Variants in RARA observed in about 807,000 individuals in gnomAD.
The protein encoded by RARA is retinoic acid receptor alpha.
In RARA, 5 loss-of-function variants were observed where a neutral mutation model predicts 42.8. That is an observed-to-expected ratio of 0.12 (90% confidence interval 0.06 to 0.25). The LOEUF (loss-of-function observed/expected upper bound fraction) is 0.25. Ranked by LOEUF, RARA falls within the 10% of genes least tolerant of loss-of-function variation. The probability of loss-of-function intolerance (pLI) is 1.00; values close to 1 mark genes in which losing one functional copy is unlikely to be tolerated. For synonymous variants in RARA, 256 were observed against 259.5 expected (o/e 0.99, Z 0.13); for missense variants, 402 against 628.7 (o/e 0.64, Z 3.86).
chr17:40,310,149 T>G (rs571005019), intron 1 of RARA, among the ~76,000 whole-genome samples: 1 of 152,298 alleles, frequency 6.6e-6, no homozygotes, highest in African/African-American at 2.4e-5. Context: ...AATCTCAGGC[T>G]CCTGGTGTTT....
At chr17:40,349,980 C>T (rs2034390320) in intron 4 of RARA, 55 bp downstream of exon 4, 4 of 1,599,750 alleles carry the variant, frequency 2.5e-6, no homozygotes, top group South Asian at 1.1e-5. Context: ...CTCAGATGCT[C>T]CTAAAGACCA....
chr17:40,342,761 T>C, intron 2 of RARA: 1 of 1,612,706 alleles, frequency 6.2e-7, no homozygotes, highest in Non-Finnish European at 8.5e-7. Flanking sequence ...TAGTGGTGGA[T>C]TTTTATAACC....
intron 2 of RARA, among the ~76,000 whole-genome samples, chr17:40,346,761 G>T (rs1162537365): frequency 6.6e-6 from 1 of 152,194 alleles, no homozygotes; most frequent in African/African-American, 2.4e-5. Context: ...AGAGCAGACG[G>T]CGGTGGGGAG....
chr17:40,355,301 C>A lies in RARA; in HGVS notation c.1051C>A (p.Leu351Met), dbSNP rs757192084. 6.2e-7 allele frequency: 1 copy of A among 1,600,682 alleles called. No individual in the cohort carries two copies. Among genetic ancestry groups the A allele is most frequent in the Non-Finnish European group, 8.5e-7 (1 of 1,173,538 alleles). ...GGAGCAGCCGGACCGGGTGGACATG[C>A]TGCAGGAGCCGCTGCTGGAGGCGCT... ...DLEQPDRVDM[L>M]QEPLLEALKV... is the part of the protein sequence containing the mutation. Residue 351 changes from leucine (L) to methionine (M), a missense_variant, in exon 8 of 9, where the codon CTG (leucine) becomes ATG (methionine). Physicochemically the swap from Leu to Met is conservative, Grantham distance 15 (BLOSUM62 2). This residue lies in a region of RARA where 104 missense variants were observed against 160.1 expected (regional missense o/e 0.65). Coordinates refer to ENST00000254066, the MANE Select transcript of RARA (RefSeq NM_000964.4). This position sits in a 1 kb window ranked among gnomAD's most constrained non-coding sequence, Gnocchi z 4.1.
chr17:40,330,485 C>T (rs990668275), intron 1 of RARA, among the ~76,000 whole-genome samples: 1 of 152,110 alleles, frequency 6.6e-6, no homozygotes, highest in Non-Finnish European at 1.5e-5. Flanking sequence ...CCTCTTCCCC[C>T]CCAGCACACG....
At chr17:40,332,515 C>CA in intron 2 of RARA, among the ~76,000 whole-genome samples, 1 of 152,208 alleles carries the variant, frequency 6.6e-6, no homozygotes, top group Non-Finnish European at 1.5e-5. Context: ...CGCTCTCTCC[C>CA]CGGAGCCAGG....
intron 1 of RARA, among the ~76,000 whole-genome samples, chr17:40,315,136 A>G (rs58577573): frequency 0.063 from 2,997 of 47,286 alleles, 96 homozygotes; most frequent in East Asian, 0.17. Flanking sequence ...ATATGTGTAT[A>G]TATATATATA....
intron 4 of RARA, among the ~76,000 whole-genome samples, chr17:40,350,784 A>G (rs974928723): frequency 1.3e-5 from 2 of 151,270 alleles, no homozygotes; most frequent in Non-Finnish European, 2.9e-5. Flanking sequence ...GTGTCCTGCC[A>G]CAGGAGGCTG....
At chr17:40,346,529 T>C (rs1360703965) in intron 2 of RARA, among the ~76,000 whole-genome samples, 1 of 130,136 alleles carries the variant, frequency 7.7e-6, no homozygotes, top group Non-Finnish European at 1.6e-5. Context: ...CCCCCACCAG[T>C]CTGGATTGTC....
rs1353818884 is a variant in RARA at position 40,351,435 on chromosome 17, ACT to A, written c.470-471_470-470del. On this transcript the variant is annotated intron_variant, in intron 4 of 8. Coordinates refer to ENST00000254066, the MANE Select transcript of RARA (RefSeq NM_000964.4). This position sits in a 1 kb window ranked among gnomAD's most constrained non-coding sequence, Gnocchi z 4.1. ...AGAGATTCTCCCCGCCAGGTCCCCCACTCTCAGGCTGGGGAGCCCTACTCCCC... is the reference window on the plus strand; with the variant it reads ...AGAGATTCTCCCCGCCAGGTCCCCCACTCAGGCTGGGGAGCCCTACTCCCC... The A allele has an allele frequency of 2.1e-6, 1 of 465,560 alleles. No individual in the cohort carries two copies. The highest frequency in any genetic ancestry group is 2.0e-5 in the African/African-American group (1 of 49,522). 28.8% of individuals were successfully genotyped at this position (465,560 alleles called of 1,614,324 possible).
intron 1 of RARA, among the ~76,000 whole-genome samples, chr17:40,314,129 G>A (rs761545432): frequency 1.4e-5 from 2 of 147,542 alleles, no homozygotes; most frequent in African/African-American, 2.5e-5. Context: ...GCAGTAGGCT[G>A]CCAGCCAGAG....
intron 1 of RARA, among the ~76,000 whole-genome samples, chr17:40,328,297 G>A (rs1203174014): frequency 6.6e-6 from 1 of 152,134 alleles, no homozygotes; most frequent in African/African-American, 2.4e-5. Flanking sequence ...TCAGAGCTTG[G>A]AACCTAGTGT....
intron 2 of RARA, among the ~76,000 whole-genome samples, chr17:40,334,794 C>T (rs1487860641): frequency 1.3e-5 from 2 of 152,190 alleles, no homozygotes; most frequent in African/African-American, 2.4e-5. Flanking sequence ...CATCCCTTTC[C>T]CCAGGTGGGG....
At position 40,352,647 on chromosome 17, in the gene RARA, C is replaced by A; in HGVS notation, c.807+140C>A. 1 of 810,670 alleles carries A rather than the reference C, an allele frequency of 1.2e-6. No individual in the cohort carries two copies. Among genetic ancestry groups the A allele is most frequent in the Non-Finnish European group, 1.8e-6 (1 of 545,012 alleles). The allele number at this position is 810,670 out of a possible 1,614,324, so 50.2% of individuals were successfully genotyped here. On this transcript the variant is annotated intron_variant, in intron 6 of 8. Coordinates refer to ENST00000254066, the MANE Select transcript of RARA (RefSeq NM_000964.4). This position sits in a 1 kb window ranked among gnomAD's most constrained non-coding sequence, Gnocchi z 4.9. ...CACCGCCCAAATGTCTGCCCTTCCT[C>A]TCCCCATATGTCCACCTGTCCACTC... is the stretch of plus-strand genomic sequence containing the variant.
chr17:40,342,707 G>A, intron 2 of RARA: 3 of 1,611,310 alleles, frequency 1.9e-6, no homozygotes, highest in Non-Finnish European at 2.5e-6. Context: ...GGGGAAAGAT[G>A]TACGAGAGTG....
intron 1 of RARA, among the ~76,000 whole-genome samples, chr17:40,314,643 G>C (rs1021382478): frequency 5.9e-5 from 9 of 152,078 alleles, no homozygotes; most frequent in Non-Finnish European, 1.3e-4. Context: ...TTCTTTGCCA[G>C]GGGGCGCATG....
intron 1 of RARA, among the ~76,000 whole-genome samples, chr17:40,318,607 G>T (rs1008223507): frequency 1.3e-5 from 2 of 152,240 alleles, no homozygotes; most frequent in Non-Finnish European, 2.9e-5. Context: ...CTGCCGCCGT[G>T]TCCAGGGTGG....
At chr17:40,329,039 T>C (rs943689473) in intron 1 of RARA, among the ~76,000 whole-genome samples, 7 of 152,196 alleles carry the variant, frequency 4.6e-5, no homozygotes, top group Non-Finnish European at 1.0e-4. Flanking sequence ...CAGCAATATA[T>C]GAGGATTCCA....
chr17:40,351,878 G>A lies in RARA; in HGVS notation c.470-32G>A, dbSNP rs2034464278. 6.3e-7 allele frequency: 1 copy of A among 1,592,710 alleles called. No homozygotes were observed. The stretch of plus-strand genomic sequence containing the variant: ...TGGACGAGGCCCTGAGCAGCCTGCA[G>A]CTGCCCTCTTAACCCCCTCTGCCCT... On this transcript the variant is annotated intron_variant, in intron 4 of 8. Transcript: ENST00000254066. This position sits in a 1 kb window ranked among gnomAD's most constrained non-coding sequence, Gnocchi z 4.1.
Sources: allele counts gnomAD v4.1 joint callset (sites outside exome capture counted in the v4.1 genomes callset), GRCh38; gene constraint gnomAD v4.1.1; regional missense constraint gnomAD v4.1.1; non-coding constraint Gnocchi (gnomAD v3.1); transcripts MANE v1.5; gene names NCBI Gene and HGNC (gene_info 2026-07-23, HGNC 2026-07-21).